KCNMA1: variants seen among roughly 807,000 people sequenced by gnomAD.
KCNMA1 encodes Calcium-activated potassium channel subunit alpha-1.
KCNMA1 carries 29 observed loss-of-function variants against 140.0 expected under a neutral mutation model. The ratio of observed to expected loss-of-function variants is 0.21; its 90% CI spans 0.15 to 0.28. The LOEUF (loss-of-function observed/expected upper bound fraction) is 0.28. Ranked by LOEUF, KCNMA1 falls within the 10% of genes least tolerant of loss-of-function variation. The pLI is 1.00. For missense variants in KCNMA1, 880 were observed against 1,602.2 expected (o/e 0.55, Z 7.70); for synonymous variants, 612 against 611.9 (o/e 1.00, Z 0.00).
chr10:76,887,558 A>C (rs2037669157), intron 27 of KCNMA1, 43 bp from the exon 28 acceptor site: 3 of 1,611,756 alleles, frequency 1.9e-6, no homozygotes, highest in Non-Finnish European at 2.5e-6. Flanking sequence ...AGAGTAACTG[A>C]GTAAAGAATT....
intron 19 of KCNMA1, among the ~76,000 whole-genome samples, chr10:76,994,985 C>T (rs2083789250): frequency 6.6e-6 from 1 of 152,168 alleles, no homozygotes; most frequent in Non-Finnish European, 1.5e-5. Flanking sequence ...AAGCCTGTGC[C>T]ACTGCCCCAC....
chr10:77,587,702 T>G, intron 1 of KCNMA1: 1 of 985,432 alleles, frequency 1.0e-6, no homozygotes, highest in Non-Finnish European at 1.2e-6. Context: ...CTGCTCCCAG[T>G]AATAATGCCC....
At position 76,949,232 on chromosome 10, in the gene KCNMA1, C is replaced by T. The variant is rs200633881; in HGVS notation, c.2619G>A (p.Glu873=). 11 of 1,614,036 alleles carry T rather than the reference C, an allele frequency of 6.8e-6. No individual in the cohort carries two copies. Among genetic ancestry groups the T allele is most frequent in the Non-Finnish European group, 9.3e-6 (11 of 1,180,008 alleles). ...AGCCCACAAACACAATGTGCTTGAG[C>T]TCATGGTAATGAAAGTTGCTGGCAC... The part of the protein sequence containing the change: ...PLRASNFHYH[E]LKHIVFVGSI... Residue 873 remains glutamate (E), a synonymous_variant, in exon 22 of 28, where the codon GAG becomes GAA. Coordinates refer to ENST00000286628, the MANE Select transcript of KCNMA1 (RefSeq NM_001161352.2).
intron 1 of KCNMA1, among the ~76,000 whole-genome samples, chr10:77,409,903 C>T (rs1165670579): frequency 6.6e-6 from 1 of 152,228 alleles, no homozygotes; most frequent in African/African-American, 2.4e-5. Context: ...ATATTCTCTT[C>T]TATGAACAGG....
intron 1 of KCNMA1, among the ~76,000 whole-genome samples, chr10:77,623,849 C>G (rs935070513): frequency 6.6e-6 from 1 of 152,330 alleles, no homozygotes; most frequent in African/African-American, 2.4e-5. Flanking sequence ...CACCCCAAAG[C>G]TACCTGGTAC....
rs1437755500 is a variant in KCNMA1, at chr10:77,264,785, A to G, written c.541-13529T>C. Among the ~76,000 whole-genome samples the G allele has an allele frequency of 2.0e-5, 3 of 152,116 alleles. No homozygotes were observed. The East Asian group carries it at 5.8e-4, about 29-fold the overall frequency. ...CATATTTCAGCACAGCCCCAGCCTG[A>G]TCACCAATTTCCATCCCTCATCCAC... On this transcript the variant is annotated intron_variant, in intron 2 of 27. Transcript: ENST00000286628.
chr10:77,386,440 G>C (rs979095176), intron 2 of KCNMA1, among the ~76,000 whole-genome samples: 1 of 152,178 alleles, frequency 6.6e-6, no homozygotes, highest in African/African-American at 2.4e-5. Context: ...AGTGAGTTAC[G>C]GCCCAAGAAT....
intron 3 of KCNMA1, among the ~76,000 whole-genome samples, chr10:77,236,944 T>C (rs1283926146): frequency 1.3e-5 from 2 of 152,246 alleles, no homozygotes; most frequent in African/African-American, 4.8e-5. Flanking sequence ...CATGCCCAGC[T>C]GTGTCATCTT....
At chr10:77,241,488 A>T (rs1178763436) in intron 3 of KCNMA1, among the ~76,000 whole-genome samples, 1 of 151,064 alleles carries the variant, frequency 6.6e-6, no homozygotes, top group Non-Finnish European at 1.5e-5. Flanking sequence ...CTCTACAATA[A>T]TTTTTTTTAA....
intron 3 of KCNMA1, among the ~76,000 whole-genome samples, chr10:77,229,946 C>T (rs1179752972): frequency 6.6e-6 from 1 of 152,112 alleles, no homozygotes; most frequent in Non-Finnish European, 1.5e-5. Flanking sequence ...CACTCCTATG[C>T]ATATAAGAAT....
chr10:77,572,568 C>CTATATATATATA (rs1191314213), intron 1 of KCNMA1, among the ~76,000 whole-genome samples: 1 of 19,240 alleles, frequency 5.2e-5, no homozygotes, highest in African/African-American at 2.3e-4. Flanking sequence ...AAAAAAAAAT[C>CTATATATATATA]CATATATATA....
chr10:77,453,580 G>A (rs1198642484), intron 1 of KCNMA1, among the ~76,000 whole-genome samples: 2 of 152,104 alleles, frequency 1.3e-5, no homozygotes, highest in Non-Finnish European at 2.9e-5. Flanking sequence ...TTCCTGTCTG[G>A]AGAGAGCGTC....
chr10:76,993,412 G>A (rs1405999383), intron 19 of KCNMA1, among the ~76,000 whole-genome samples: 1 of 152,172 alleles, frequency 6.6e-6, no homozygotes, highest in Admixed American at 6.5e-5. Context: ...CACAATGGCT[G>A]CCAGGTCAGC....
At chr10:77,026,809 C>T (rs1413243719) in intron 16 of KCNMA1, among the ~76,000 whole-genome samples, 2 of 152,148 alleles carry the variant, frequency 1.3e-5, no homozygotes, top group Non-Finnish European at 2.9e-5. Context: ...TTGTCATAGA[C>T]ACAGACTATA....
chr10:77,003,504 T>C (rs1186658032), intron 18 of KCNMA1, among the ~76,000 whole-genome samples: 1 of 152,208 alleles, frequency 6.6e-6, no homozygotes, highest in Non-Finnish European at 1.5e-5. Context: ...TCTGCAGACA[T>C]TCCCTTGTTT....
At chr10:77,173,639 C>G (rs1231650964) in intron 5 of KCNMA1, among the ~76,000 whole-genome samples, 1 of 152,030 alleles carries the variant, frequency 6.6e-6, no homozygotes, top group Non-Finnish European at 1.5e-5. Context: ...GGACACCTGG[C>G]CCAAAAAGGG....
At chr10:77,053,750 A>C (rs1158487564) in intron 14 of KCNMA1, among the ~76,000 whole-genome samples, 1 of 152,196 alleles carries the variant, frequency 6.6e-6, no homozygotes, top group Non-Finnish European at 1.5e-5. Context: ...CTCATCACAA[A>C]TAGAAAGCCA....
chr10:77,122,683 C>T (rs892100343), intron 5 of KCNMA1, among the ~76,000 whole-genome samples: 2 of 151,948 alleles, frequency 1.3e-5, no homozygotes, highest in African/African-American at 4.8e-5. Context: ...AAGGCCAGGA[C>T]ATAACAGAAA....
intron 1 of KCNMA1, among the ~76,000 whole-genome samples, chr10:77,616,229 G>A (rs1232813316): frequency 6.6e-6 from 1 of 152,220 alleles, no homozygotes; most frequent in Non-Finnish European, 1.5e-5. Context: ...CATTCCAGCA[G>A]GGGGTGGACA....
Sources: allele counts gnomAD v4.1 joint callset (sites outside exome capture counted in the v4.1 genomes callset), GRCh38; gene constraint gnomAD v4.1.1; transcripts MANE v1.5; gene names NCBI Gene and HGNC (gene_info 2026-07-23, HGNC 2026-07-21).